Variants in PSD3 observed in about 807,000 individuals in gnomAD.
PSD3 encodes the protein PH and SEC7 domain-containing protein 3.
In PSD3, 49 loss-of-function variants were observed where a neutral mutation model predicts 105.5. The ratio of observed to expected loss-of-function variants is 0.46; its 90% CI spans 0.37 to 0.59. PSD3 has a LOEUF of 0.59. PSD3 is among the 20% of genes least tolerant of loss of function. The probability of loss-of-function intolerance (pLI) is 0.00; values close to 1 mark genes in which losing one functional copy is unlikely to be tolerated. For missense variants in PSD3, 1,561 were observed against 1,263.8 expected, an observed-to-expected ratio of 1.24 and a Z score of -3.57; for synonymous variants, 557 against 457.8, an observed-to-expected ratio of 1.22 and a Z score of -2.77.
chr8:18,663,553 A>T (rs992215024), intron 9 of PSD3, among the ~76,000 whole-genome samples: 3 of 152,132 alleles, frequency 2.0e-5, no homozygotes, highest in Non-Finnish European at 4.4e-5. Context: ...TTGGGGGTGG[A>T]CTTGATCAAT....
At chr8:18,744,864 C>A (rs1300211290) in intron 9 of PSD3, among the ~76,000 whole-genome samples, 1 of 152,218 alleles carries the variant, frequency 6.6e-6, no homozygotes. Context: ...TTAGTCTCCT[C>A]CATTTGGTGA....
At position 18,610,363 on chromosome 8, in the gene PSD3, A is replaced by G. The variant is rs544020559; in HGVS notation, c.2411-9929T>C. On this transcript the variant is annotated intron_variant, in intron 11 of 15. Coordinates refer to ENST00000327040, the MANE Select transcript of PSD3 (RefSeq NM_015310.4). Reference sequence around the variant, plus strand: ...GTGGTTGTACTTCAACCACTCATACACTGCTGAGTGTTCGAACTGTATTCA... The same window carrying G: ...GTGGTTGTACTTCAACCACTCATACGCTGCTGAGTGTTCGAACTGTATTCA... Among the ~76,000 whole-genome samples the G allele has an allele frequency of 3.3e-4, 51 of 152,278 alleles. No homozygotes were observed. In the South Asian group the frequency reaches 6.0e-3, roughly 18 times the overall value.
At chr8:19,083,165 C>A (rs1440834766) in intron 1 of PSD3, among the ~76,000 whole-genome samples, 1 of 152,182 alleles carries the variant, frequency 6.6e-6, no homozygotes, top group Non-Finnish European at 1.5e-5. Flanking sequence ...TCCGTCTCAT[C>A]CCACCACCCT....
At chr8:18,968,063 C>T (rs1216333928) in intron 1 of PSD3, among the ~76,000 whole-genome samples, 2 of 74,602 alleles carry the variant, frequency 2.7e-5, no homozygotes, top group East Asian at 8.8e-4. Context: ...ATCTCAAGCT[C>T]CTCACGGTGG....
At chr8:18,879,878 G>T (rs540642930) in intron 2 of PSD3, among the ~76,000 whole-genome samples, 1 of 152,162 alleles carries the variant, frequency 6.6e-6, no homozygotes, top group Admixed American at 6.5e-5. Flanking sequence ...GGATTACGGC[G>T]TGAACTAACG....
At chr8:18,672,739 T>C (rs1488952314) in intron 9 of PSD3, among the ~76,000 whole-genome samples, 4 of 152,238 alleles carry the variant, frequency 2.6e-5, no homozygotes, top group African/African-American at 9.6e-5. Context: ...TATTTTGCTA[T>C]AGACTAAAAC....
At chr8:18,592,875 G>T (rs1195545456) in intron 12 of PSD3, among the ~76,000 whole-genome samples, 34 of 152,166 alleles carry the variant, frequency 2.2e-4, no homozygotes, top group Admixed American at 2.2e-3. Context: ...AATGGGGAAA[G>T]GATTCCCTAT....
intron 1 of PSD3, among the ~76,000 whole-genome samples, chr8:19,071,672 T>A (rs1829268129): frequency 1.3e-5 from 2 of 152,100 alleles, no homozygotes; most frequent in Non-Finnish European, 2.9e-5. Flanking sequence ...TTTATAGAGT[T>A]AGTCAGAATT....
At chr8:18,556,381 T>A in intron 14 of PSD3, 29 bp from the exon 15 acceptor site, 1 of 1,573,974 alleles carries the variant, frequency 6.4e-7, no homozygotes, top group African/African-American at 1.5e-5. Context: ...CCATTTAGCG[T>A]TCAAAAAAAA....
chr8:18,947,669 G>C (rs980538993), intron 1 of PSD3, among the ~76,000 whole-genome samples: 2 of 152,162 alleles, frequency 1.3e-5, no homozygotes, highest in African/African-American at 4.8e-5. Flanking sequence ...AGGTTCAAAT[G>C]AATCTTCCTT....
chr8:18,941,464 A>G (rs1822533474), intron 1 of PSD3, among the ~76,000 whole-genome samples: 1 of 152,162 alleles, frequency 6.6e-6, no homozygotes, highest in South Asian at 2.1e-4. Flanking sequence ...TAAAATTACA[A>G]TGGCATGATC....
intron 1 of PSD3, among the ~76,000 whole-genome samples, chr8:19,072,362 T>C (rs939927097): frequency 6.6e-6 from 1 of 152,120 alleles, no homozygotes; most frequent in Non-Finnish European, 1.5e-5. Flanking sequence ...GCTGGGATTA[T>C]AGGACTGAGC....
intron 1 of PSD3, among the ~76,000 whole-genome samples, chr8:18,946,115 C>T (rs1024206155): frequency 1.3e-5 from 2 of 152,190 alleles, no homozygotes; most frequent in Non-Finnish European, 2.9e-5. Flanking sequence ...TCCTTTTTAG[C>T]ACAGATCATC....
At chr8:18,863,077 G>A (rs1024154583) in intron 4 of PSD3, among the ~76,000 whole-genome samples, 4 of 152,108 alleles carry the variant, frequency 2.6e-5, no homozygotes, top group Non-Finnish European at 5.9e-5. Flanking sequence ...AGATCATCAC[G>A]CTACAAAGGT....
chr8:18,582,878 T>A (rs1228341613), intron 12 of PSD3, among the ~76,000 whole-genome samples: 1 of 146,872 alleles, frequency 6.8e-6, no homozygotes, highest in Admixed American at 6.8e-5. Flanking sequence ...CAGGCTGGAG[T>A]GCAGTGGCAA....
chr8:18,705,121 C>G lies in PSD3; in HGVS notation c.2173-49436G>C, dbSNP rs562418782. 4.7e-4 allele frequency among the ~76,000 whole-genome samples: 71 copies of G among 152,188 alleles called. 2 individuals carry two copies. The South Asian group carries it at 0.015, about 32-fold the overall frequency. ...GTATTAATAATACAAATAAAAAGCA[C>G]AAAAACATCTGCATTCATTCTTTGA... is the stretch of plus-strand genomic sequence containing the variant. On this transcript the variant is annotated intron_variant, in intron 9 of 15. Coordinates refer to ENST00000327040, the MANE Select transcript of PSD3 (RefSeq NM_015310.4).
At position 18,872,389 on chromosome 8, in the gene PSD3, C is replaced by G. The variant is rs558402739; in HGVS notation, c.475G>C (p.Asp159His). Residue 159 changes from aspartate to histidine, a missense_variant, in exon 3 of 16, where the codon GAT becomes CAT. Physicochemically the swap from Asp to His is moderately conservative, Grantham distance 81. Coordinates refer to ENST00000327040, the MANE Select transcript of PSD3 (RefSeq NM_015310.4). The part of the protein sequence containing the change: ...TLQATKVLDQ[D>H]AVSSFSVQQV... ...TGAACTGAAAAACTAGAAACAGCAT[C>G]TTGGTCCAGTACCTTTGTAGCCTGT... 1.9e-6 allele frequency: 3 copies of G among 1,614,070 alleles called. No individual in the cohort carries two copies. Among genetic ancestry groups the G allele is most frequent in the Non-Finnish European group, 2.5e-6 (3 of 1,180,046 alleles).
chr8:18,693,519 G>A (rs1205029500), intron 9 of PSD3, among the ~76,000 whole-genome samples: 1 of 152,192 alleles, frequency 6.6e-6, no homozygotes, highest in African/African-American at 2.4e-5. Context: ...ACAACATCCT[G>A]CTTTAGCGGA....
At chr8:18,802,657 T>C (rs186560145) in intron 6 of PSD3, among the ~76,000 whole-genome samples, 3 of 152,268 alleles carry the variant, frequency 2.0e-5, no homozygotes, top group Admixed American at 2.0e-4. Context: ...AGTACTACAC[T>C]CCAGTCCAAA....
Sources: allele counts gnomAD v4.1 joint callset (sites outside exome capture counted in the v4.1 genomes callset), GRCh38; gene constraint gnomAD v4.1.1; transcripts MANE v1.5; gene names NCBI Gene and HGNC (gene_info 2026-07-23, HGNC 2026-07-21).